DDX31: variants seen among roughly 807,000 people sequenced by gnomAD.
The protein encoded by DDX31 is ATP-dependent DNA helicase DDX31.
Under a neutral mutation model 91.3 loss-of-function variants are expected in DDX31, and 70 were observed. That is an observed-to-expected ratio of 0.77 (90% CI 0.63 to 0.94). DDX31 has a LOEUF of 0.94. Ranked by LOEUF, DDX31 falls within the 40% of genes least tolerant of loss-of-function variation. The pLI, the probability that DDX31 is intolerant of heterozygous loss-of-function variation, is 0.00. For synonymous variants in DDX31, 362 were observed against 350.6 expected (o/e 1.03, Z -0.36); for missense variants, 902 against 925.0 (o/e 0.98, Z 0.32).
In DDX31 at chr9:132,650,312, GC is replaced by G. The variant is rs777456319; in HGVS notation, c.676-15del. ...CCAGGTGAAAGGCTACAGAAAGACA[GC>G]AGACCACAGTCAGTGCAAAGCCCCC... is the stretch of plus-strand genomic sequence containing the variant. On this transcript the variant is annotated splice_polypyrimidine_tract_variant and intron_variant, in intron 8 of 19. Coordinates refer to ENST00000372159, the MANE Select transcript of DDX31 (RefSeq NM_022779.9). 1 of 1,613,498 alleles carries G rather than the reference GC, an allele frequency of 6.2e-7. No individual in the cohort carries two copies. Among genetic ancestry groups the G allele is most frequent in the South Asian group, 1.1e-5 (1 of 91,068 alleles).
chr9:132,656,603 T>C (rs1274175836), intron 6 of DDX31, among the ~76,000 whole-genome samples: 2 of 152,214 alleles, frequency 1.3e-5, no homozygotes, highest in African/African-American at 4.8e-5. Flanking sequence ...GCACAGAGGA[T>C]GAACAATTTG....
Position 132,595,081 on chromosome 9 carries a change from G to A in DDX31, c.2026C>T (p.His676Tyr), listed in dbSNP as rs745635194. Residue 676 changes from histidine (H) to tyrosine (Y), a missense_variant, in exon 20 of 20, where the codon CAC becomes TAC. His to Tyr is a moderately conservative substitution (Grantham distance 83). Transcript: ENST00000372159. This position sits in a 1 kb window ranked among gnomAD's most constrained non-coding sequence, Gnocchi z 4.6. Reference protein sequence around the residue: ...PDLHKKTQSKHSLAEILRSEY... With the variant: ...PDLHKKTQSKYSLAEILRSEY... ...GAACGTAGGATTTCAGCGAGGCTGT[G>A]TTTACTCTGGGTCTTCTTATGAAGG... is the stretch of plus-strand genomic sequence containing the variant. The A allele has an allele frequency of 2.5e-6, 4 of 1,614,128 alleles. No homozygotes were observed. The African/African-American group carries it at 4.0e-5, about 16-fold the overall frequency.
intron 18 of DDX31, among the ~76,000 whole-genome samples, chr9:132,613,137 C>T (rs955041401): frequency 6.6e-6 from 1 of 152,170 alleles, no homozygotes; most frequent in Non-Finnish European, 1.5e-5. Flanking sequence ...CCGCCTCAGC[C>T]TCTCAAAGTG....
chr9:132,632,211 T>G, intron 14 of DDX31, 120 bp from the exon 15 acceptor site: 1 of 455,780 alleles, frequency 2.2e-6, no homozygotes, highest in East Asian at 6.6e-5. Context: ...ACATGCACAT[T>G]CGGGCATACA....
chr9:132,605,296 T>C (rs1830951104), intron 19 of DDX31, among the ~76,000 whole-genome samples: 1 of 152,204 alleles, frequency 6.6e-6, no homozygotes, highest in African/African-American at 2.4e-5. Flanking sequence ...GGCATTCGGG[T>C]TGAGCATCTC....
intron 15 of DDX31, 71 bp from the exon 16 acceptor site, chr9:132,630,474 C>T (rs556157017): frequency 2.1e-6 from 3 of 1,406,070 alleles, no homozygotes; most frequent in African/African-American, 2.8e-5. Flanking sequence ...TGCAATACTC[C>T]TCACCTGCCT....
chr9:132,646,695 T>C, intron 12 of DDX31, 128 bp downstream of exon 12: 1 of 825,214 alleles, frequency 1.2e-6, no homozygotes, highest in South Asian at 1.6e-5. Context: ...AAAGTCTGCA[T>C]CCGGAATGCA....
chr9:132,612,264 A>T lies in DDX31; in HGVS notation c.1826-9T>A, dbSNP rs962155678. On this transcript the variant is annotated splice_polypyrimidine_tract_variant and intron_variant, in intron 18 of 19. Coordinates refer to ENST00000372159, the MANE Select transcript of DDX31 (RefSeq NM_022779.9). ...GATGAAGGACTGCAGAGCTGAAAGA[A>T]AAGAGAGCGGGGAGGGAAGCTGTCA... 3 of 1,614,028 alleles carry T rather than the reference A, an allele frequency of 1.9e-6. No homozygotes were observed. Among genetic ancestry groups the T allele is most frequent in the Non-Finnish European group, 2.5e-6 (3 of 1,180,022 alleles).
chr9:132,612,648 C>T (rs403679), intron 18 of DDX31, among the ~76,000 whole-genome samples: 11,125 of 152,202 alleles, frequency 0.073, 520 homozygotes, highest in East Asian at 0.11. Context: ...CACAGGACAT[C>T]GTTTTCTTAT....
Position 132,598,002 on chromosome 9 carries a change from C to A in DDX31, c.1995-2890G>T, listed in dbSNP as rs572811227. Among the ~76,000 whole-genome samples the A allele has an allele frequency of 2.6e-5, 4 of 152,280 alleles. No homozygotes were observed. The South Asian group carries it at 8.3e-4, about 32-fold the overall frequency. ...CTATTTCATCATGTTAGTCAATGTC[C>A]TTTTGACCTGGGATGCAAAGCCAGC... On this transcript the variant is annotated intron_variant, in intron 19 of 19. Coordinates refer to ENST00000372159, the MANE Select transcript of DDX31 (RefSeq NM_022779.9).
At chr9:132,666,715 T>C (rs998417807) in intron 1 of DDX31, among the ~76,000 whole-genome samples, 14 of 151,044 alleles carry the variant, frequency 9.3e-5, no homozygotes, top group Non-Finnish European at 1.8e-4. Context: ...TGTTTTTGTT[T>C]TTTTTTTTTG....
intron 4 of DDX31, 172 bp downstream of exon 4, chr9:132,661,036 T>C (rs1402048889): frequency 1.6e-6 from 1 of 636,170 alleles, no homozygotes; most frequent in Non-Finnish European, 2.8e-6. Context: ...GTCTTTCCAT[T>C]TAACAGGTGG....
Position 132,647,023 on chromosome 9 carries a change from G to C in DDX31, c.1003C>G (p.Pro335Ala), listed in dbSNP as rs1833882893. Residue 335 changes from proline to alanine, a missense_variant, in exon 12 of 20, where the codon CCA becomes GCA. Pro to Ala is a conservative substitution (Grantham distance 27). Coordinates refer to ENST00000372159, the MANE Select transcript of DDX31 (RefSeq NM_022779.9). ...TTGTCCAGGACAGAAATACTGACTG[G>C]ATCATGCAAACTGATATCAGCTAGC... ...TRLADISLHDPVSISVLDKSH... is the reference protein window; with the variant it reads ...TRLADISLHDAVSISVLDKSH... 1.2e-6 allele frequency: 2 copies of C among 1,614,096 alleles called. No homozygotes were observed. The highest frequency in any genetic ancestry group is 8.5e-7 in the Non-Finnish European group (1 of 1,180,022).
intron 17 of DDX31, among the ~76,000 whole-genome samples, chr9:132,620,619 C>T (rs137974771): frequency 2.4e-4 from 36 of 152,228 alleles, no homozygotes; most frequent in African/African-American, 8.2e-4. Context: ...TCCCTAACCC[C>T]TGCTTCCAGA....
intron 14 of DDX31, 102 bp downstream of exon 14, chr9:132,641,901 GC>G: frequency 8.3e-7 from 1 of 1,206,054 alleles, no homozygotes; most frequent in Non-Finnish European, 1.2e-6. Context: ...GTGTTCCTGG[GC>G]CCTGTAGGAC....
chr9:132,638,333 T>C, intron 14 of DDX31: 1 of 1,614,130 alleles, frequency 6.2e-7, no homozygotes, highest in Non-Finnish European at 8.5e-7. Context: ...AAAGCAAGGT[T>C]CCTTTCCTCT....
intron 14 of DDX31, among the ~76,000 whole-genome samples, chr9:132,635,535 C>T (rs1006272547): frequency 5.5e-5 from 8 of 144,860 alleles, no homozygotes; most frequent in Admixed American, 1.4e-4. Context: ...ATCTCCTGGA[C>T]GTCATGATCT....
chr9:132,632,256 A>ACACACACACACACACACAGTCCTG (rs1832813582), intron 14 of DDX31, among the ~76,000 whole-genome samples, 165 bp from the exon 15 acceptor site: 1 of 109,010 alleles, frequency 9.2e-6, no homozygotes, highest in Admixed American at 9.2e-5. Context: ...ACACACACAC[A>ACACACACACACACACACAGTCCTG]CACACACACA....
At chr9:132,650,944 G>T in intron 8 of DDX31, 131 bp downstream of exon 8, 1 of 930,196 alleles carries the variant, frequency 1.1e-6, no homozygotes, top group Non-Finnish European at 1.6e-6. Flanking sequence ...AAACTGCCTA[G>T]AGAGAGCAGA....
Sources: allele counts gnomAD v4.1 joint callset (sites outside exome capture counted in the v4.1 genomes callset), GRCh38; gene constraint gnomAD v4.1.1; non-coding constraint Gnocchi (gnomAD v3.1); transcripts MANE v1.5; gene names NCBI Gene and HGNC (gene_info 2026-07-23, HGNC 2026-07-21).